The following LRRC4C variants were observed in gnomAD, a reference collection of about 807,000 sequenced individuals.
The protein encoded by LRRC4C is leucine-rich repeat-containing protein 4C.
In LRRC4C, 5 loss-of-function variants were observed where a neutral mutation model predicts 33.6. The ratio of observed to expected loss-of-function variants is 0.15; its 90% CI spans 0.08 to 0.31. The LOEUF is 0.31. Ranked by LOEUF, LRRC4C falls within the 10% of genes least tolerant of loss-of-function variation. LRRC4C has a pLI of 1.00. For synonymous variants in LRRC4C, 329 were observed against 302.0 expected (o/e 1.09, Z -0.93); for missense variants, 560 against 796.7 (o/e 0.70, Z 3.58).
At position 41,150,718 on chromosome 11, in the gene LRRC4C, C is replaced by T. The variant is rs542941485; in HGVS notation, c.-495-216995G>A. ...ACAGAAGAATTGCTTGAACCCAGGA[C>T]GCAGAGGTTGCAGTGAGCCGAGATC... On this transcript the variant is annotated intron_variant, in intron 1 of 6. Coordinates refer to ENST00000528697, the MANE Select transcript of LRRC4C (RefSeq NM_001258419.2). Among the ~76,000 whole-genome samples, 23 of 151,416 alleles carry T rather than the reference C, an allele frequency of 1.5e-4. No individual in the cohort carries two copies. The South Asian group carries it at 2.3e-3, about 15-fold the overall frequency.
At chr11:41,239,441 C>T (rs1439041340) in intron 1 of LRRC4C, among the ~76,000 whole-genome samples, 3 of 151,062 alleles carry the variant, frequency 2.0e-5, no homozygotes, top group African/African-American at 7.3e-5. Context: ...TCTCTCTCAA[C>T]TAATTTCATA....
chr11:41,116,779 A>T (rs1445832370), intron 1 of LRRC4C, among the ~76,000 whole-genome samples: 1 of 152,114 alleles, frequency 6.6e-6, no homozygotes, highest in Admixed American at 6.6e-5. Context: ...GATAATTTTG[A>T]TTAAGTTATT....
chr11:41,001,512 G>C (rs1460761579), intron 1 of LRRC4C, among the ~76,000 whole-genome samples: 1 of 152,012 alleles, frequency 6.6e-6, no homozygotes, highest in Non-Finnish European at 1.5e-5. Flanking sequence ...CAGGATCCCT[G>C]TGAGACCACA....
At chr11:41,326,029 C>G (rs749012504) in intron 1 of LRRC4C, among the ~76,000 whole-genome samples, 30 of 151,816 alleles carry the variant, frequency 2.0e-4, no homozygotes, top group Non-Finnish European at 4.0e-4. Context: ...TTGAAGGATG[C>G]AAAGCATTGT....
chr11:41,259,244 G>C lies in LRRC4C; in HGVS notation c.-496+200187C>G, dbSNP rs78655957. Among the ~76,000 whole-genome samples the C allele has an allele frequency of 4.2e-3, 637 of 151,956 alleles. 6 individuals carry two copies. Among genetic ancestry groups the C allele is most frequent in the African/African-American group, 0.014 (595 of 41,508 alleles). On this transcript the variant is annotated intron_variant, in intron 1 of 6. Coordinates refer to ENST00000528697, the MANE Select transcript of LRRC4C (RefSeq NM_001258419.2). ...ATTCTTCTTCTCTTTCCCACATAAAGAACATTTTCAAATCTCTCTTCTAGT... is the reference window on the plus strand; with the variant it reads ...ATTCTTCTTCTCTTTCCCACATAAACAACATTTTCAAATCTCTCTTCTAGT...
Position 40,115,254 on chromosome 11 carries a change from T to C in LRRC4C, c.1039A>G (p.Asn347Asp), listed in dbSNP as rs1418719841. The change falls in exon 7 of 7, where the codon AAT becomes GAT. Residue 347 changes from asparagine to aspartate, a missense_variant. This residue lies in a region of LRRC4C where 455 missense variants were observed against 643.8 expected (regional missense o/e 0.71). Coordinates refer to ENST00000528697, the MANE Select transcript of LRRC4C (RefSeq NM_001258419.2). This position sits in a 1 kb window ranked among gnomAD's most constrained non-coding sequence, Gnocchi z 6.7. ...ACCGGAGCATAGCATGTGAAGTAATTCTGGTCGAGCTCTCCAATGTACCTC... is the reference window on the plus strand; with the variant it reads ...ACCGGAGCATAGCATGTGAAGTAATCCTGGTCGAGCTCTCCAATGTACCTC... ...KGRYIGELDQNYFTCYAPVIV... is the reference protein window; with the variant it reads ...KGRYIGELDQDYFTCYAPVIV... 6.2e-7 allele frequency: 1 copy of C among 1,614,106 alleles called. No homozygotes were observed. Among genetic ancestry groups the C allele is most frequent in the Admixed American group, 1.7e-5 (1 of 60,010 alleles).
At chr11:41,155,803 C>G (rs1449834308) in intron 1 of LRRC4C, among the ~76,000 whole-genome samples, 1 of 152,120 alleles carries the variant, frequency 6.6e-6, no homozygotes. Context: ...CTTTGCTTCT[C>G]GATCCCCCTA....
At chr11:40,594,999 A>G (rs1250599662) in intron 3 of LRRC4C, among the ~76,000 whole-genome samples, 1 of 152,136 alleles carries the variant, frequency 6.6e-6, no homozygotes, top group African/African-American at 2.4e-5. Context: ...TTGTTCTTTT[A>G]CACAGTAAGT....
At chr11:40,135,840 C>T (rs1351105998) in intron 6 of LRRC4C, among the ~76,000 whole-genome samples, 1 of 152,112 alleles carries the variant, frequency 6.6e-6, no homozygotes, top group Non-Finnish European at 1.5e-5. Flanking sequence ...TCTTTCTATG[C>T]CAAAGGCATA....
intron 2 of LRRC4C, among the ~76,000 whole-genome samples, chr11:40,683,915 A>G (rs1440232625): frequency 6.6e-6 from 1 of 152,204 alleles, no homozygotes; most frequent in East Asian, 1.9e-4. Context: ...GTTTAAATGC[A>G]TCACATCTAT....
At chr11:40,667,237 C>T (rs538394606) in intron 2 of LRRC4C, among the ~76,000 whole-genome samples, 1 of 152,318 alleles carries the variant, frequency 6.6e-6, no homozygotes, top group East Asian at 1.9e-4. Context: ...GGTGTTTTCA[C>T]ATTCTATGAG....
intron 3 of LRRC4C, among the ~76,000 whole-genome samples, chr11:40,389,477 A>AACC (rs1555042541): frequency 2.6e-5 from 4 of 151,180 alleles, no homozygotes; most frequent in Non-Finnish European, 4.4e-5. Flanking sequence ...CTCAAAAAAA[A>AACC]AAATAATCAA....
chr11:41,239,900 G>A (rs1948182169), intron 1 of LRRC4C, among the ~76,000 whole-genome samples: 1 of 152,008 alleles, frequency 6.6e-6, no homozygotes, highest in Admixed American at 6.6e-5. Context: ...TGCATTTATT[G>A]GTGACTGCTA....
chr11:40,655,849 G>T (rs1340958046), intron 2 of LRRC4C, among the ~76,000 whole-genome samples: 2 of 152,198 alleles, frequency 1.3e-5, no homozygotes, highest in East Asian at 1.9e-4. Context: ...TGGCTTGGGA[G>T]ACCTCAGGAA....
chr11:40,122,974 CACACACACACACAT>C (rs988548537), intron 6 of LRRC4C, among the ~76,000 whole-genome samples: 2 of 141,284 alleles, frequency 1.4e-5, no homozygotes, highest in Non-Finnish European at 3.0e-5. Flanking sequence ...CACACACACA[CACACACACACACAT>C]ATATACTATT....
rs79356284 is a variant in LRRC4C, at chr11:41,354,503, T to C, written c.-496+104928A>G. 1.9e-3 allele frequency among the ~76,000 whole-genome samples: 288 copies of C among 152,058 alleles called. 1 individual carries two copies. The highest frequency in any genetic ancestry group is 6.6e-3 in the African/African-American group (272 of 41,494). On this transcript the variant is annotated intron_variant, in intron 1 of 6. Coordinates refer to ENST00000528697, the MANE Select transcript of LRRC4C (RefSeq NM_001258419.2). ...ATAAAATTACAAATTTCATTTTTCA[T>C]AGAATTAGGAAAAAAAGATATTCTA...
chr11:40,264,775 T>C (rs1942125141), intron 4 of LRRC4C, among the ~76,000 whole-genome samples: 1 of 152,212 alleles, frequency 6.6e-6, no homozygotes, highest in Non-Finnish European at 1.5e-5. Flanking sequence ...AATTCAGTAC[T>C]GGAGAAGAAT....
rs530180333 is a variant in LRRC4C at position 40,878,931 on chromosome 11, T to C, written c.-407+54704A>G. Among the ~76,000 whole-genome samples, 603 of 152,300 alleles carry C rather than the reference T, an allele frequency of 4.0e-3. 5 individuals are homozygous for C. The highest frequency in any genetic ancestry group is 0.014 in the African/African-American group (563 of 41,562). On this transcript the variant is annotated intron_variant, in intron 2 of 6. Transcript: ENST00000528697. ...AGGAAGGAATCAGTAAATGGGGTTG[T>C]TGCATCCCCATGTCTGGCTGTGAGC...
intron 3 of LRRC4C, chr11:40,446,269 A>G (rs1232725306): frequency 6.6e-6 from 1 of 152,142 alleles, no homozygotes; most frequent in Non-Finnish European, 1.5e-5. Flanking sequence ...TTTCTGATAC[A>G]TTTCACAGTT....
Sources: gnomAD v4.1 joint callset for allele counts (sites outside exome capture counted in the v4.1 genomes callset) on GRCh38, gnomAD v4.1.1 for gene constraint, gnomAD v4.1.1 regional missense constraint, Gnocchi (gnomAD v3.1) non-coding constraint, MANE v1.5 for transcripts, NCBI Gene and HGNC (gene_info 2026-07-23, HGNC 2026-07-21) for gene names.